ABCA12: variants seen among roughly 807,000 people sequenced by gnomAD.
ABCA12 encodes the protein glucosylceramide transporter ABCA12.
Under a neutral mutation model 293.5 loss-of-function variants are expected in ABCA12, and 156 were observed. That is an observed-to-expected ratio of 0.53 (90% confidence interval 0.47 to 0.61). The LOEUF (loss-of-function observed/expected upper bound fraction) is 0.61, where lower values mean the gene tolerates loss of function less well. Ranked by LOEUF, ABCA12 falls within the 20% of genes least tolerant of loss-of-function variation. The probability of loss-of-function intolerance (pLI) is 0.00; values close to 1 mark genes in which losing one functional copy is unlikely to be tolerated. For synonymous variants in ABCA12, 1,063 were observed against 1,108.0 expected, an observed-to-expected ratio of 0.96 and a Z score of 0.81; for missense variants, 2,797 against 3,090.2, an observed-to-expected ratio of 0.91 and a Z score of 2.25.
chr2:215,008,350 G>A (rs1018634216), intron 18 of ABCA12, among the ~76,000 whole-genome samples: 5 of 151,776 alleles, frequency 3.3e-5, no homozygotes, highest in African/African-American at 1.2e-4. Flanking sequence ...ACATAAAACC[G>A]ATACACAAGA....
chr2:214,932,808 A>ATT, intron 52 of ABCA12, 67 bp from the exon 53 acceptor site: 1 of 686,060 alleles, frequency 1.5e-6, no homozygotes, highest in Non-Finnish European at 2.3e-6. Context: ...AAGTTAATTC[A>ATT]TTCTCTCTCT....
chr2:215,064,795 G>C (rs1344333885), intron 2 of ABCA12, among the ~76,000 whole-genome samples: 2 of 151,346 alleles, frequency 1.3e-5, no homozygotes, highest in Non-Finnish European at 2.9e-5. Context: ...CTTTTTTCCT[G>C]GGTAGTGTAT....
chr2:215,017,405 A>G (rs900500577), intron 14 of ABCA12, among the ~76,000 whole-genome samples: 1 of 152,248 alleles, frequency 6.6e-6, no homozygotes, highest in African/African-American at 2.4e-5. Context: ...AAAAATATTT[A>G]CTACAACCAC....
At position 215,026,838 on chromosome 2, in the gene ABCA12, A is replaced by C; in HGVS notation, c.1162T>G (p.Leu388Val). Residue 388 changes from leucine (L) to valine (V), a missense_variant, in exon 10 of 53, where the codon TTG becomes GTG. Leu to Val is a conservative substitution (Grantham distance 32, BLOSUM62 1). Around this residue, in one of 3 missense-constraint regions of ABCA12, gnomAD observed 656 missense variants for 638.2 expected, o/e 1.03. Transcript: ENST00000272895. ...LACVRNVTDS[L>V]ARGSPENLRL... ...GTATTACCTGGTGAACCTCTGGCCA[A>C]ACTGTCAGTCACATTTCTCACACAT... 1 of 1,610,668 alleles carries C rather than the reference A, an allele frequency of 6.2e-7. No homozygotes were observed. The highest frequency in any genetic ancestry group is 8.5e-7 in the Non-Finnish European group (1 of 1,176,864).
In ABCA12 at chr2:214,954,786, T is replaced by C. The variant is rs150865496; in HGVS notation, c.6393+416A>G. ...CAATGAAGTAGTCTCCAATACATGA[T>C]TGAAAGGGGATGAATTAGGTTTTTT... On this transcript the variant is annotated intron_variant, in intron 43 of 52. Transcript: ENST00000272895. Among the ~76,000 whole-genome samples, 1,372 of 152,330 alleles carry C rather than the reference T, an allele frequency of 9.0e-3. 25 individuals carry two copies. The highest frequency in any genetic ancestry group is 0.03 in the African/African-American group (1,257 of 41,580).
At chr2:214,934,787 C>A (rs893633572) in intron 51 of ABCA12, among the ~76,000 whole-genome samples, 1 of 152,118 alleles carries the variant, frequency 6.6e-6, no homozygotes, top group Non-Finnish European at 1.5e-5. Flanking sequence ...CTTGGAGTAT[C>A]TTTAACAATT....
At position 214,956,744 on chromosome 2, in the gene ABCA12, C is replaced by A; in HGVS notation, c.6152G>T (p.Gly2051Val). 2 of 1,613,164 alleles carry A rather than the reference C, an allele frequency of 1.2e-6. No homozygotes were observed. Among genetic ancestry groups the A allele is most frequent in the Non-Finnish European group, 1.7e-6 (2 of 1,179,644 alleles). The part of the protein sequence containing the change: ...FYLVPVAFSI[G>V]IIAIFKLPAF... Reference sequence around the variant, plus strand: ...AGGTAATTTGAAAATCGCAATGATACCAATTGAAAACGCTACAGGCACCAA... The same window carrying A: ...AGGTAATTTGAAAATCGCAATGATAACAATTGAAAACGCTACAGGCACCAA... The change falls in exon 42 of 53, where the codon GGT becomes GTT. Residue 2051 changes from glycine (G) to valine (V), a missense_variant. This residue lies in a region of ABCA12 where 2,130 missense variants were observed against 2,427.0 expected (regional missense o/e 0.88). Coordinates refer to ENST00000272895, the MANE Select transcript of ABCA12 (RefSeq NM_173076.3).
chr2:215,133,606 A>G (rs1703112139), intron 1 of ABCA12, among the ~76,000 whole-genome samples: 1 of 152,018 alleles, frequency 6.6e-6, no homozygotes, highest in Non-Finnish European at 1.5e-5. Context: ...TCATTATTTC[A>G]TTATTTTTAA....
intron 3 of ABCA12, among the ~76,000 whole-genome samples, chr2:215,057,721 T>A (rs1701447134): frequency 6.6e-6 from 1 of 152,084 alleles, no homozygotes; most frequent in South Asian, 2.1e-4. Flanking sequence ...GTTTAGCACA[T>A]GACAAGCACT....
chr2:215,078,204 A>G (rs770984500), intron 2 of ABCA12, among the ~76,000 whole-genome samples: 3 of 152,190 alleles, frequency 2.0e-5, no homozygotes, highest in Non-Finnish European at 2.9e-5. Context: ...CCGCTTTATT[A>G]GTGGTTCAGT....
rs778296113 is a variant in ABCA12 at position 214,966,883 on chromosome 2, C to T, written c.5849G>A (p.Arg1950Gln). 1.6e-5 allele frequency: 26 copies of T among 1,613,762 alleles called. No homozygotes were observed. In the East Asian group the frequency reaches 4.2e-4, roughly 26 times the overall value. Residue 1950 changes from arginine (R) to glutamine (Q), a missense_variant, in exon 39 of 53, where the codon CGA (arginine) becomes CAA (glutamine). Physicochemically the swap from Arg to Gln is conservative, Grantham distance 43. Around this residue, in one of 3 missense-constraint regions of ABCA12, gnomAD observed 2,130 missense variants for 2,427.0 expected, o/e 0.88. Coordinates refer to ENST00000272895, the MANE Select transcript of ABCA12 (RefSeq NM_173076.3). Reference protein sequence around the residue: ...YLNSLNNFLLRVNMSKYDAAR... With the variant: ...YLNSLNNFLLQVNMSKYDAAR... ...AGCATCGTATTTTGACATGTTAACTCGCAGAAGGAAATTATTCAGGCTGTT... is the reference window on the plus strand; with the variant it reads ...AGCATCGTATTTTGACATGTTAACTTGCAGAAGGAAATTATTCAGGCTGTT...
chr2:214,972,435 GTC>G (rs1699406114), intron 36 of ABCA12, among the ~76,000 whole-genome samples: 2 of 152,198 alleles, frequency 1.3e-5, no homozygotes, highest in South Asian at 4.2e-4. Context: ...TTGAGACAGG[GTC>G]TCTCTCTGTC....
chr2:214,974,946 G>C (rs1448891756), intron 34 of ABCA12, 82 bp from the exon 35 acceptor site: 1 of 1,259,998 alleles, frequency 7.9e-7, no homozygotes, highest in East Asian at 2.3e-5. Context: ...GAAATGAAAT[G>C]TGCTGTATAT....
At chr2:215,047,940 C>A (rs746552303) in intron 6 of ABCA12, among the ~76,000 whole-genome samples, 25 of 151,360 alleles carry the variant, frequency 1.7e-4, no homozygotes, top group Non-Finnish European at 3.4e-4. Context: ...GGTCTAATAT[C>A]CAACATCTAT....
chr2:214,947,675 A>G, intron 47 of ABCA12, 119 bp from the exon 48 acceptor site: 3 of 1,100,326 alleles, frequency 2.7e-6, no homozygotes, highest in African/African-American at 1.6e-5. Context: ...ATATATCTGG[A>G]AAAAAATGAA....
chr2:215,000,162 A>G (rs974905078), intron 22 of ABCA12, among the ~76,000 whole-genome samples: 4 of 152,230 alleles, frequency 2.6e-5, no homozygotes, highest in African/African-American at 9.6e-5. Flanking sequence ...ACCATTTTAG[A>G]TATAGAGGAT....
rs755759647 is a variant in ABCA12 at position 215,046,013 on chromosome 2, T to A, written c.696A>T (p.Leu232=). The change falls in exon 7 of 53, where the codon CTA becomes CTT. Residue 232 remains leucine (L), a splice_region_variant and synonymous_variant. Transcript: ENST00000272895. The stretch of plus-strand genomic sequence containing the variant: ...TCTTCTGATTGTTGGGGTCACTGGA[T>A]AGCTTAAAATATAAAACCACAAACA... ...LQELNKQFSQ[L]SSDPNNQKIV... The A allele has an allele frequency of 1.2e-6, 2 of 1,613,178 alleles. No individual in the cohort carries two copies.
intron 36 of ABCA12, among the ~76,000 whole-genome samples, chr2:214,972,289 G>A (rs1282342724): frequency 6.6e-6 from 1 of 152,034 alleles, no homozygotes; most frequent in Non-Finnish European, 1.5e-5. Context: ...CTGGTATACA[G>A]AGCATCAATT....
At chr2:215,071,111 C>T (rs555713629) in intron 2 of ABCA12, among the ~76,000 whole-genome samples, 3 of 151,632 alleles carry the variant, frequency 2.0e-5, no homozygotes, top group East Asian at 1.9e-4. Flanking sequence ...GTAGGAGAAT[C>T]GCTTGAGCTC....
Sources: allele counts gnomAD v4.1 joint callset (sites outside exome capture counted in the v4.1 genomes callset), GRCh38; gene constraint gnomAD v4.1.1; regional missense constraint gnomAD v4.1.1; transcripts MANE v1.5; gene names NCBI Gene and HGNC (gene_info 2026-07-23, HGNC 2026-07-21).